Variants in TRPM3 observed in about 807,000 individuals in gnomAD.
The protein encoded by TRPM3 is transient receptor potential cation channel subfamily M member 3, also known as long transient receptor potential channel 3.
In TRPM3, 77 loss-of-function variants were observed where a neutral mutation model predicts 181.2. That is an observed-to-expected ratio of 0.42 (90% CI 0.35 to 0.51). The LOEUF (loss-of-function observed/expected upper bound fraction) is 0.51. Among genes scored for constraint, TRPM3 ranks in the 20% least tolerant of loss-of-function variants. The pLI, the probability that TRPM3 is intolerant of heterozygous loss-of-function variation, is 0.01. For missense variants in TRPM3, 1,759 were observed against 2,196.7 expected (o/e 0.80, Z 3.98); for synonymous variants, 745 against 796.4 (o/e 0.94, Z 1.09).
intron 9 of TRPM3, among the ~76,000 whole-genome samples, chr9:70,667,392 G>C (rs1319654189): frequency 6.6e-6 from 1 of 152,140 alleles, no homozygotes; most frequent in African/African-American, 2.4e-5. Context: ...CAAGCTGCCA[G>C]CACACTGGGA....
rs189714868 is a variant in TRPM3 at position 70,898,562 on chromosome 9, A to G, written c.178-34051T>C. On this transcript the variant is annotated intron_variant, in intron 1 of 25. Coordinates refer to ENST00000677713, the MANE Select transcript of TRPM3 (RefSeq NM_001366145.2). Reference sequence around the variant, plus strand: ...CAGGAGTTCAAGACCAACCTGGCCAACATAATGAAACCCCGTCTCTACTAA... The same window carrying G: ...CAGGAGTTCAAGACCAACCTGGCCAGCATAATGAAACCCCGTCTCTACTAA... Among the ~76,000 whole-genome samples, 574 of 150,860 alleles carry G rather than the reference A, an allele frequency of 3.8e-3. 4 individuals carry two copies. Among genetic ancestry groups the G allele is most frequent in the African/African-American group, 0.013 (543 of 41,370 alleles).
chr9:71,192,895 C>A (rs566315054), intron 1 of TRPM3, among the ~76,000 whole-genome samples: 1 of 151,900 alleles, frequency 6.6e-6, no homozygotes, highest in East Asian at 1.9e-4. Flanking sequence ...ATATATTAAC[C>A]AGCTTGATTG....
chr9:70,939,244 A>G (rs916399905), intron 1 of TRPM3, among the ~76,000 whole-genome samples: 1 of 152,182 alleles, frequency 6.6e-6, no homozygotes, highest in African/African-American at 2.4e-5. Flanking sequence ...CTTCACTGTA[A>G]TTCTTATCAA....
intron 1 of TRPM3, among the ~76,000 whole-genome samples, chr9:71,133,994 TGTGTGTGTGTGTGTGTGTGTGCGC>T (rs1482998724): frequency 1.4e-5 from 2 of 143,812 alleles, no homozygotes; most frequent in Admixed American, 6.8e-5. Context: ...TGTGTGTGTG[TGTGTGTGTGTGTGTGTGTGTGCGC>T]GTGCGCGCGC....
At chr9:71,404,854 T>G (rs1396805600) in intron 1 of TRPM3, among the ~76,000 whole-genome samples, 1 of 152,196 alleles carries the variant, frequency 6.6e-6, no homozygotes, top group Non-Finnish European at 1.5e-5. Context: ...CACAAGCCAT[T>G]GTCCCTGCCT....
At chr9:70,805,894 G>C (rs926548143) in intron 6 of TRPM3, among the ~76,000 whole-genome samples, 1 of 152,132 alleles carries the variant, frequency 6.6e-6, no homozygotes, top group Non-Finnish European at 1.5e-5. Context: ...ATTCTAACAT[G>C]CACCAGAGTC....
chr9:70,854,301 C>G (rs1209633697), intron 3 of TRPM3, among the ~76,000 whole-genome samples: 1 of 152,160 alleles, frequency 6.6e-6, no homozygotes, highest in Non-Finnish European at 1.5e-5. Context: ...ACATAAGCAG[C>G]ATGATACTTG....
rs375218339 is a variant in TRPM3 at position 70,884,040 on chromosome 9, G to GT, written c.178-19530dup. On this transcript the variant is annotated intron_variant, in intron 1 of 25. Coordinates refer to ENST00000677713, the MANE Select transcript of TRPM3 (RefSeq NM_001366145.2). The stretch of plus-strand genomic sequence containing the variant: ...CATGTGTGGGTCTTGATGTCCCAAG[G>GT]TTTTTTTTTTTGATGTGGTTCATCT... Among the ~76,000 whole-genome samples the GT allele has an allele frequency of 9.9e-3, 1,449 of 146,500 alleles. 22 individuals are homozygous for GT. Among genetic ancestry groups the GT allele is most frequent in the African/African-American group, 0.032 (1,295 of 40,188 alleles).
chr9:71,374,380 AAAAC>A (rs560681084), intron 1 of TRPM3, among the ~76,000 whole-genome samples: 19 of 152,164 alleles, frequency 1.2e-4, no homozygotes, highest in Non-Finnish European at 1.9e-4. Context: ...TCAAAAAAAC[AAAAC>A]AAACAAACAA....
In TRPM3 at chr9:70,847,858, C is replaced by T. The variant is rs147375323; in HGVS notation, c.463-1267G>A. The stretch of plus-strand genomic sequence containing the variant: ...GCAGTGTTTAATATGTTAAATAGTT[C>T]TGGCTGGACGATGGTTCCAGATAAC... On this transcript the variant is annotated intron_variant, in intron 3 of 25. Transcript: ENST00000677713. Among the ~76,000 whole-genome samples the T allele has an allele frequency of 3.0e-3, 462 of 152,246 alleles. 2 individuals are homozygous for T. Among genetic ancestry groups the T allele is most frequent in the African/African-American group, 1.0e-2 (415 of 41,562 alleles).
At chr9:71,125,901 C>G (rs1418558648), upstream of TRPM3, among the ~76,000 whole-genome samples, 1 of 152,060 alleles carries the variant, frequency 6.6e-6, no homozygotes, top group Non-Finnish European at 1.5e-5. Context: ...AGCTTTTGCA[C>G]AGCAAAAGAA....
intron 1 of TRPM3, among the ~76,000 whole-genome samples, chr9:71,269,761 C>T (rs2083651775): frequency 1.3e-5 from 2 of 152,114 alleles, no homozygotes; most frequent in South Asian, 4.1e-4. Flanking sequence ...GCCTGTAGTT[C>T]CCTGTGGATT....
chr9:71,121,385 A>G lies in TRPM3; in HGVS notation c.-31T>C, dbSNP rs753323562. The G allele has an allele frequency of 3.7e-6, 6 of 1,608,104 alleles. No homozygotes were observed. The Admixed American group carries it at 5.0e-5, about 14-fold the overall frequency. On this transcript the variant is annotated 5_prime_UTR_variant, in exon 1 of 26. An upstream start codon of the reference 5' UTR is lost. Transcript: ENST00000677713. ...GGTCATCTCCACACCTGCAAATTCC[A>G]TTAGGGCAGAGGCTTCCTGGAACTT...
rs182572837 is a variant in TRPM3 at position 71,420,524 on chromosome 9, A to T, written c.183+26129T>A. On this transcript the variant is annotated intron_variant, in intron 1 of 24. Transcript: ENST00000357533. ...CGCAGCAACAAAGAAAGAAAAAGAGAAAGAGAAAGAAAGAAAGAAAAAGAG... is the reference window on the plus strand; with the variant it reads ...CGCAGCAACAAAGAAAGAAAAAGAGTAAGAGAAAGAAAGAAAGAAAAAGAG... 3.3e-5 allele frequency among the ~76,000 whole-genome samples: 5 copies of T among 151,596 alleles called. No individual in the cohort carries two copies. In the Admixed American group the frequency reaches 3.3e-4, roughly 10 times the overall value.
intron 1 of TRPM3, among the ~76,000 whole-genome samples, chr9:71,429,511 T>C (rs1363445818): frequency 6.6e-6 from 1 of 152,194 alleles, no homozygotes; most frequent in Non-Finnish European, 1.5e-5. Context: ...TGGGTAACTA[T>C]CACTAACATT....
intron 8 of TRPM3, among the ~76,000 whole-genome samples, chr9:70,692,418 C>T (rs1240723955): frequency 6.6e-6 from 1 of 152,090 alleles, no homozygotes; most frequent in African/African-American, 2.4e-5. Flanking sequence ...TAAATTGCCT[C>T]GTAGCTAGAA....
At chr9:70,885,034 T>G (rs2096063467) in intron 1 of TRPM3, among the ~76,000 whole-genome samples, 1 of 152,162 alleles carries the variant, frequency 6.6e-6, no homozygotes, top group Admixed American at 6.5e-5. Context: ...TGACGTCTAC[T>G]TGCAATGTGC....
At chr9:70,846,748 A>G (rs1477316448) in intron 3 of TRPM3, among the ~76,000 whole-genome samples, 157 bp from the exon 4 acceptor site, 2 of 152,234 alleles carry the variant, frequency 1.3e-5, no homozygotes, top group Non-Finnish European at 2.9e-5. Context: ...TTATCAAAAG[A>G]GCCTTCATTA....
At chr9:71,134,006 T>TGC (rs1179294739) in intron 1 of TRPM3, among the ~76,000 whole-genome samples, 1 of 66,028 alleles carries the variant, frequency 1.5e-5, no homozygotes, top group Non-Finnish European at 3.1e-5. Flanking sequence ...TGTGTGTGTG[T>TGC]GTGTGTGTGC....
Sources: allele counts gnomAD v4.1 joint callset (sites outside exome capture counted in the v4.1 genomes callset), GRCh38; gene constraint gnomAD v4.1.1; transcripts MANE v1.5; gene names NCBI Gene and HGNC (gene_info 2026-07-23, HGNC 2026-07-21).